Variants in SEH1L observed in about 807,000 individuals in gnomAD.
The protein encoded by SEH1L is nucleoporin SEH1.
SEH1L carries 18 observed loss-of-function variants against 49.5 expected under a neutral mutation model. The observed-to-expected ratio is 0.36, with a 90% CI of 0.25 to 0.54. The LOEUF is 0.54. Among genes scored for constraint, SEH1L ranks in the 20% least tolerant of loss-of-function variants. SEH1L has a pLI of 0.87. For synonymous variants in SEH1L, 169 were observed against 178.1 expected (o/e 0.95, Z 0.41); for missense variants, 404 against 528.8 (o/e 0.76, Z 2.31).
Position 12,982,513 on chromosome 18 carries a change from A to G in SEH1L, c.762-5A>G, listed in dbSNP as rs1489438472. 1 of 1,600,564 alleles carries G rather than the reference A, an allele frequency of 6.2e-7. No homozygotes were observed. Among genetic ancestry groups the G allele is most frequent in the African/African-American group, 1.4e-5 (1 of 73,944 alleles). ...AATGCCTCAGAAAATGTTTTTTATT[A>G]ACAGGAAAGAACTGACTTCCTCTGG... On this transcript the variant is annotated splice_region_variant and splice_polypyrimidine_tract_variant and intron_variant, in intron 6 of 8. Coordinates refer to ENST00000399892, the MANE Select transcript of SEH1L (RefSeq NM_001013437.2).
intron 8 of SEH1L, chr18:12,986,462 AGTGAACCATTGC>A: frequency 1.0e-6 from 1 of 986,890 alleles, no homozygotes; most frequent in African/African-American, 1.7e-5. Context: ...TGCTGCTGTG[AGTGAACCATTGC>A]TTAAGATAAA....
chr18:12,968,249 G>A (rs1450974099), intron 4 of SEH1L, among the ~76,000 whole-genome samples: 1 of 152,182 alleles, frequency 6.6e-6, no homozygotes, highest in Non-Finnish European at 1.5e-5. Context: ...ACTGAATTTT[G>A]TGGAATGGGT....
Position 12,963,861 on chromosome 18 carries a change from C to T in SEH1L, c.521+490C>T, listed in dbSNP as rs370373158. On this transcript the variant is annotated intron_variant, in intron 4 of 8. Transcript: ENST00000399892. ...CCAAGTAGCTAGAATTACAGGCATG[C>T]GCCACCACGTCTGCCTAATTTTTGC... is the stretch of plus-strand genomic sequence containing the variant. Among the ~76,000 whole-genome samples the T allele has an allele frequency of 2.1e-4, 32 of 152,272 alleles. No individual in the cohort carries two copies. In the East Asian group the frequency reaches 2.7e-3, roughly 13 times the overall value.
intron 1 of SEH1L, chr18:12,948,519 G>A: frequency 3.7e-6 from 1 of 268,572 alleles, no homozygotes; most frequent in Non-Finnish European, 7.0e-6. Context: ...CCGGGGCTGC[G>A]GGCGGGAACC....
At chr18:12,981,055 C>T (rs2032228256) in intron 6 of SEH1L, among the ~76,000 whole-genome samples, 1 of 151,388 alleles carries the variant, frequency 6.6e-6, no homozygotes, top group South Asian at 2.1e-4. Context: ...GGGCTTCTCA[C>T]TTCTCAGACG....
intron 6 of SEH1L, among the ~76,000 whole-genome samples, chr18:12,979,699 T>C: frequency 6.8e-6 from 1 of 148,018 alleles, no homozygotes; most frequent in African/African-American, 2.5e-5. Flanking sequence ...GGCGGGGGGC[T>C]GACCCCCCCA....
At chr18:12,957,738 C>G (rs1340394375) in intron 3 of SEH1L, among the ~76,000 whole-genome samples, 2 of 152,184 alleles carry the variant, frequency 1.3e-5, no homozygotes, top group African/African-American at 2.4e-5. Flanking sequence ...TGCTATTACC[C>G]CTCACCTGCC....
At chr18:12,977,966 C>A (rs933109389) in intron 5 of SEH1L, 1 of 152,240 alleles carries the variant, frequency 6.6e-6, no homozygotes, top group African/African-American at 2.4e-5. Context: ...GTAGCTGGGA[C>A]AATGGGTGTG....
intron 8 of SEH1L, chr18:12,985,389 A>G (rs1337897463): frequency 1.4e-6 from 2 of 1,410,352 alleles, no homozygotes. Flanking sequence ...TTACTACTAA[A>G]CGCAATCCAA....
intron 4 of SEH1L, among the ~76,000 whole-genome samples, chr18:12,967,787 G>T (rs530470164): frequency 6.6e-6 from 1 of 152,090 alleles, no homozygotes; most frequent in Non-Finnish European, 1.5e-5. Context: ...GGTGGTGTGC[G>T]CCTGTACTCC....
intron 1 of SEH1L, 120 bp downstream of exon 1, chr18:12,948,352 G>A (rs2030247074): frequency 9.4e-6 from 7 of 746,896 alleles, no homozygotes; most frequent in Non-Finnish European, 6.7e-6. Context: ...GTGGGGTGGC[G>A]GGCGAGCCCT....
At chr18:12,954,294 C>T (rs1481280472) in intron 2 of SEH1L, among the ~76,000 whole-genome samples, 46 of 152,150 alleles carry the variant, frequency 3.0e-4, no homozygotes, top group Non-Finnish European at 1.8e-4. Flanking sequence ...CCTTTGTATC[C>T]CTTCTCCAGC....
At chr18:12,971,925 C>T (rs886134258) in intron 5 of SEH1L, 19 of 152,204 alleles carry the variant, frequency 1.2e-4, no homozygotes, top group Admixed American at 1.2e-3. Flanking sequence ...TATATTTATA[C>T]TGTTGTTGGA....
chr18:12,978,937 C>A, intron 6 of SEH1L, 45 bp downstream of exon 6: 1 of 1,583,446 alleles, frequency 6.3e-7, no homozygotes, highest in Non-Finnish European at 8.6e-7. Context: ...CTCTTGCCTT[C>A]TGATTACCTT....
intron 5 of SEH1L, chr18:12,975,801 A>G (rs1484983533): frequency 1.0e-5 from 10 of 986,080 alleles, no homozygotes; most frequent in Middle Eastern, 1.0e-3. Flanking sequence ...GCCCACTATG[A>G]TGTGGAATGA....
chr18:12,949,444 T>G lies in SEH1L; in HGVS notation c.111+1212T>G, dbSNP rs1240991443. On this transcript the variant is annotated intron_variant, in intron 1 of 8. Coordinates refer to ENST00000399892, the MANE Select transcript of SEH1L (RefSeq NM_001013437.2). Reference sequence around the variant, plus strand: ...TGTTGTAATAAACTACGTTAACCGTTTTTTTTTTTTTTTTTTTTTTTTTTT... The same window carrying G: ...TGTTGTAATAAACTACGTTAACCGTGTTTTTTTTTTTTTTTTTTTTTTTTT... Among the ~76,000 whole-genome samples, 16 of 84,494 alleles carry G rather than the reference T, an allele frequency of 1.9e-4. No homozygotes were observed. In the South Asian group the frequency reaches 6.9e-3, roughly 37 times the overall value. The allele number at this position is 84,494 out of a possible 152,430, so 55.4% of individuals were successfully genotyped here.
chr18:12,972,705 TCA>T (rs2031755008), intron 5 of SEH1L: 1 of 152,258 alleles, frequency 6.6e-6, no homozygotes, highest in Non-Finnish European at 1.5e-5. Flanking sequence ...GCAGAGAGGC[TCA>T]GTCTTCAACA....
At chr18:12,961,095 G>C (rs891196251) in intron 3 of SEH1L, among the ~76,000 whole-genome samples, 5 of 152,218 alleles carry the variant, frequency 3.3e-5, no homozygotes, top group African/African-American at 1.2e-4. Flanking sequence ...CTTGGGGTGG[G>C]CAGTCCGCAT....
chr18:12,957,771 G>A (rs28671274), intron 3 of SEH1L, among the ~76,000 whole-genome samples: 55,910 of 152,044 alleles, frequency 0.37, 12,579 homozygotes, highest in African/African-American at 0.61. Context: ...ATGATACTAC[G>A]TTAGAGCCAG....
Sources: allele counts gnomAD v4.1 joint callset (sites outside exome capture counted in the v4.1 genomes callset), GRCh38; gene constraint gnomAD v4.1.1; transcripts MANE v1.5; gene names NCBI Gene and HGNC (gene_info 2026-07-23, HGNC 2026-07-21).